The following MED13L variants were observed in gnomAD, a reference collection of about 807,000 sequenced individuals.
MED13L encodes mediator of RNA polymerase II transcription subunit 13-like.
MED13L carries 7 observed loss-of-function variants against 220.9 expected under a neutral mutation model. That is an observed-to-expected ratio of 0.03 (90% confidence interval 0.02 to 0.06). The LOEUF (loss-of-function observed/expected upper bound fraction) is 0.06, where lower values mean the gene tolerates loss of function less well. Ranked by LOEUF, MED13L falls within the 10% of genes least tolerant of loss-of-function variation. MED13L has a pLI of 1.00. For synonymous variants in MED13L, 1,011 were observed against 1,015.2 expected, an observed-to-expected ratio of 1.00 and a Z score of 0.08; for missense variants, 1,965 against 2,760.5, an observed-to-expected ratio of 0.71 and a Z score of 6.46.
At chr12:116,007,334 A>G (rs755928325) in intron 11 of MED13L, 77 bp downstream of exon 11, 3 of 1,386,292 alleles carry the variant, frequency 2.2e-6, no homozygotes, top group African/African-American at 1.4e-5. Flanking sequence ...TTCTGCCTCC[A>G]AAGTCTTCCC....
intron 25 of MED13L, among the ~76,000 whole-genome samples, chr12:115,974,817 A>G (rs950432793): frequency 6.6e-6 from 1 of 152,194 alleles, no homozygotes; most frequent in African/African-American, 2.4e-5. Context: ...TATGACTTCA[A>G]CTGTCACCTA....
At chr12:116,174,726 G>A (rs1457324770) in intron 2 of MED13L, 2 of 152,172 alleles carry the variant, frequency 1.3e-5, no homozygotes, top group African/African-American at 4.8e-5. Flanking sequence ...CTAAGTGAAT[G>A]TCAGTCTATC....
intron 4 of MED13L, among the ~76,000 whole-genome samples, chr12:116,027,583 A>AG (rs1345101016): frequency 6.6e-6 from 1 of 152,188 alleles, no homozygotes; most frequent in Admixed American, 6.5e-5. Context: ...GCAAGATCTG[A>AG]GGAAGCCCTT....
In MED13L at chr12:116,021,120, C is replaced by A. The variant is rs529144823; in HGVS notation, c.626-1148G>T. ...TAATTATCCATAAGGACAGCAACTG[C>A]CTTAGTATGGTCTTCCTCCACACCA... On this transcript the variant is annotated intron_variant, in intron 5 of 30. Transcript: ENST00000281928. Among the ~76,000 whole-genome samples the A allele has an allele frequency of 4.6e-5, 7 of 152,182 alleles. No individual in the cohort carries two copies. The East Asian group carries it at 1.3e-3, about 29-fold the overall frequency.
intron 2 of MED13L, among the ~76,000 whole-genome samples, chr12:116,224,569 A>G (rs889702120): frequency 6.6e-6 from 1 of 152,208 alleles, no homozygotes; most frequent in African/African-American, 2.4e-5. Flanking sequence ...TATTCTACAT[A>G]GCACCTAAAA....
In MED13L at chr12:115,961,409, G is replaced by A. The variant is rs765574340; in HGVS notation, c.6501-11C>T. On this transcript the variant is annotated splice_polypyrimidine_tract_variant and intron_variant, in intron 30 of 30. Transcript: ENST00000281928. ...TGCTCCAAAACAAACCTGCCAAAGAGAACACACAGAGCAGGGGCGTGAGCC... is the reference window on the plus strand; with the variant it reads ...TGCTCCAAAACAAACCTGCCAAAGAAAACACACAGAGCAGGGGCGTGAGCC... The A allele has an allele frequency of 6.2e-7, 1 of 1,613,348 alleles. No individual in the cohort carries two copies. The highest frequency in any genetic ancestry group is 8.5e-7 in the Non-Finnish European group (1 of 1,180,010).
At chr12:116,242,368 C>G (rs1870739420) in intron 1 of MED13L, among the ~76,000 whole-genome samples, 1 of 152,070 alleles carries the variant, frequency 6.6e-6, no homozygotes, top group African/African-American at 2.4e-5. Context: ...TTCTGACTAA[C>G]GTTTATCTCT....
At chr12:116,117,090 T>C (rs1874587171) in intron 2 of MED13L, among the ~76,000 whole-genome samples, 1 of 151,768 alleles carries the variant, frequency 6.6e-6, no homozygotes, top group Non-Finnish European at 1.5e-5. Flanking sequence ...CAATGAAATA[T>C]CTATACAATG....
intron 2 of MED13L, among the ~76,000 whole-genome samples, chr12:116,115,454 T>C (rs1426820000): frequency 6.6e-6 from 1 of 151,902 alleles, no homozygotes; most frequent in Admixed American, 6.6e-5. Flanking sequence ...TTCTTAGATA[T>C]GACACCAAAA....
At chr12:115,979,358 C>T (rs1877169830) in intron 23 of MED13L, among the ~76,000 whole-genome samples, 1 of 151,748 alleles carries the variant, frequency 6.6e-6, no homozygotes, top group Non-Finnish European at 1.5e-5. Flanking sequence ...TTTCTGGAAA[C>T]AAAATAAAAA....
At chr12:116,004,181 C>G (rs1228173733) in intron 13 of MED13L, among the ~76,000 whole-genome samples, 1 of 152,158 alleles carries the variant, frequency 6.6e-6, no homozygotes, top group Non-Finnish European at 1.5e-5. Flanking sequence ...CTTTCTTTCT[C>G]CTCCTTTGAC....
intron 1 of MED13L, among the ~76,000 whole-genome samples, chr12:116,255,901 T>C (rs567256073): frequency 6.6e-6 from 1 of 152,306 alleles, no homozygotes; most frequent in East Asian, 1.9e-4. Flanking sequence ...AAATTCCAAA[T>C]TTTAAATTTT....
chr12:116,269,349 C>CCCGG (rs767524362), intron 1 of MED13L, among the ~76,000 whole-genome samples: 59 of 152,002 alleles, frequency 3.9e-4, no homozygotes, highest in Admixed American at 1.4e-3. Flanking sequence ...GAGCACCGCA[C>CCCGG]CCGGCCTATC....
At chr12:115,962,873 T>C (rs1476635149) in intron 30 of MED13L, 1 of 171,492 alleles carries the variant, frequency 5.8e-6, no homozygotes, top group Non-Finnish European at 1.3e-5. Flanking sequence ...TACAAAAAAT[T>C]AGCCGGGCAT....
chr12:116,247,675 T>C (rs1406163821), intron 1 of MED13L, among the ~76,000 whole-genome samples: 2 of 151,132 alleles, frequency 1.3e-5, no homozygotes, highest in African/African-American at 2.4e-5. Context: ...AGGTCATATA[T>C]AAAAGATGCT....
chr12:116,143,074 C>T (rs1877212719), intron 2 of MED13L, among the ~76,000 whole-genome samples: 1 of 152,162 alleles, frequency 6.6e-6, no homozygotes, highest in Admixed American at 6.5e-5. Context: ...ATGTTGACTG[C>T]TTAATTCTGA....
In MED13L at chr12:116,236,780, TG is replaced by T. The variant is rs1015708812; in HGVS notation, c.310+687del. 31 of 901,540 alleles carry T rather than the reference TG, an allele frequency of 3.4e-5. No individual in the cohort carries two copies. The African/African-American group carries it at 4.5e-4, about 13-fold the overall frequency. 55.8% of individuals were successfully genotyped at this position (901,540 alleles called of 1,614,324 possible). On this transcript the variant is annotated intron_variant, in intron 2 of 30. Transcript: ENST00000281928. ...ATAAAAGTTCCTGCTCATAAAACTGTGGTAAATATATAAAGCAGCACAGAAA... is the reference window on the plus strand; with the variant it reads ...ATAAAAGTTCCTGCTCATAAAACTGTGTAAATATATAAAGCAGCACAGAAA...
chr12:115,991,557 T>A lies in MED13L; in HGVS notation c.3397A>T (p.Ile1133Phe). 1 of 1,614,112 alleles carries A rather than the reference T, an allele frequency of 6.2e-7. No homozygotes were observed. Among genetic ancestry groups the A allele is most frequent in the Non-Finnish European group, 8.5e-7 (1 of 1,180,010 alleles). ...FKDRNFDSCCICACNMNIKGA... is the reference protein window; with the variant it reads ...FKDRNFDSCCFCACNMNIKGA... ...TTGATGTTCATGTTGCAGGCACAGA[T>A]GCAACAGCTGTCAAAGTTTCTGTCT... The change falls in exon 17 of 31, where the codon ATC becomes TTC. Residue 1133 changes from isoleucine (I) to phenylalanine (F), a missense_variant. Physicochemically the swap from Ile to Phe is conservative, Grantham distance 21. Transcript: ENST00000281928. This position sits in a 1 kb window ranked among gnomAD's most constrained non-coding sequence, Gnocchi z 7.7.
At chr12:116,069,726 C>G (rs1870225403) in intron 4 of MED13L, among the ~76,000 whole-genome samples, 1 of 152,140 alleles carries the variant, frequency 6.6e-6, no homozygotes, top group Non-Finnish European at 1.5e-5. Flanking sequence ...CATGACACCA[C>G]GAATGAAAAA....
Sources: gnomAD v4.1 joint callset for allele counts (sites outside exome capture counted in the v4.1 genomes callset) on GRCh38, gnomAD v4.1.1 for gene constraint, Gnocchi (gnomAD v3.1) non-coding constraint, MANE v1.5 for transcripts, NCBI Gene and HGNC (gene_info 2026-07-23, HGNC 2026-07-21) for gene names.